The following YLPM1 variants were observed in gnomAD, a reference collection of about 807,000 sequenced individuals.
YLPM1 encodes the protein YLP motif-containing protein 1.
Under a neutral mutation model 230.0 loss-of-function variants are expected in YLPM1, and 99 were observed. The observed-to-expected ratio is 0.43, with a 90% CI of 0.37 to 0.51. YLPM1 has a LOEUF of 0.51. Ranked by LOEUF, YLPM1 falls within the 20% of genes least tolerant of loss-of-function variation. The probability of loss-of-function intolerance (pLI) is 0.00; values close to 1 mark genes in which losing one functional copy is unlikely to be tolerated. For synonymous variants in YLPM1, 984 were observed against 942.5 expected, an observed-to-expected ratio of 1.04 and a Z score of -0.81; for missense variants, 2,592 against 2,707.7, an observed-to-expected ratio of 0.96 and a Z score of 0.95.
At chr14:74,793,149 CTTAT>C (rs2091224094) in intron 4 of YLPM1, among the ~76,000 whole-genome samples, 1 of 152,062 alleles carries the variant, frequency 6.6e-6, no homozygotes, top group African/African-American at 2.4e-5. Flanking sequence ...TTTTTGTTTG[CTTAT>C]TTAGTTTTAT....
At chr14:74,827,363 G>T in intron 18 of YLPM1, 2 of 985,336 alleles carry the variant, frequency 2.0e-6, no homozygotes, top group South Asian at 4.7e-5. Context: ...CTGTGTGTTT[G>T]GTTTCCAGTA....
At chr14:74,832,842 T>G (rs904834639) in intron 19 of YLPM1, among the ~76,000 whole-genome samples, 10 of 152,122 alleles carry the variant, frequency 6.6e-5, no homozygotes, top group African/African-American at 2.4e-4. Flanking sequence ...ACCTACACAT[T>G]TTTTCTTCTA....
At chr14:74,819,096 T>A (rs559283196) in intron 16 of YLPM1, among the ~76,000 whole-genome samples, 9 of 152,326 alleles carry the variant, frequency 5.9e-5, no homozygotes, top group African/African-American at 2.2e-4. Context: ...TTTTTCTCTT[T>A]GTGATAAGTA....
chr14:74,791,792 A>G (rs2091209745), intron 4 of YLPM1, among the ~76,000 whole-genome samples: 1 of 152,228 alleles, frequency 6.6e-6, no homozygotes, highest in African/African-American at 2.4e-5. Context: ...TTACCTGACA[A>G]TCAGTATGTG....
At position 74,799,414 on chromosome 14, in the gene YLPM1, A is replaced by T. The variant is rs1178788772; in HGVS notation, c.4117A>T (p.Ile1373Phe). 1.9e-6 allele frequency: 3 copies of T among 1,613,890 alleles called. No homozygotes were observed. Among genetic ancestry groups the T allele is most frequent in the Non-Finnish European group, 2.5e-6 (3 of 1,179,912 alleles). The part of the protein sequence containing the change: ...RDFRDRGELR[I>F]REYPERGDTW... ...TTTCCGTGATAGGGGTGAGTTGAGG[A>T]TTCGAGAGTATCCAGAAAGAGGAGA... is the stretch of plus-strand genomic sequence containing the variant. Residue 1373 changes from isoleucine (I) to phenylalanine (F), a missense_variant, in exon 5 of 21, where the codon ATT becomes TTT. Physicochemically the swap from Ile to Phe is conservative, Grantham distance 21. This residue lies in a region of YLPM1 where 1,862 missense variants were observed against 1,819.8 expected (regional missense o/e 1.02). Transcript: ENST00000325680.
In YLPM1 at chr14:74,764,344, C is replaced by T. The variant is rs755761859; in HGVS notation, c.855C>T (p.Pro285=). ...AGCAAGCCGCCCCTGAGCCAGATCC[C>T]TCTACGATGACTCCACAGGTAAGAA... ...EQQQAAPEPD[P]STMTPQEQQQ... The change falls in exon 1 of 21, where the codon CCC becomes CCT. Residue 285 remains proline (P), a synonymous_variant. Coordinates refer to ENST00000325680, the MANE Select transcript of YLPM1 (RefSeq NM_019589.3). The T allele has an allele frequency of 2.5e-6, 4 of 1,610,460 alleles. No homozygotes were observed. In the Admixed American group the frequency reaches 6.7e-5, roughly 27 times the overall value.
At position 74,797,316 on chromosome 14, in the gene YLPM1, A is replaced by G. The variant is rs537374498; in HGVS notation, c.2283-264A>G. On this transcript the variant is annotated intron_variant, in intron 4 of 20. Transcript: ENST00000325680. The stretch of plus-strand genomic sequence containing the variant: ...TGTAATTGCTTTTTAACCGTTCAGT[A>G]TATCAGTGACTTGCGGCAGGAGATG... Among the ~76,000 whole-genome samples the G allele has an allele frequency of 1.1e-4, 16 of 151,996 alleles. No individual in the cohort carries two copies. In the South Asian group the frequency reaches 2.7e-3, roughly 26 times the overall value.
chr14:74,802,281 A>G (rs572595989), intron 5 of YLPM1, among the ~76,000 whole-genome samples: 3 of 152,084 alleles, frequency 2.0e-5, no homozygotes, highest in African/African-American at 7.2e-5. Flanking sequence ...CATAACAAGT[A>G]GATGAGATAG....
chr14:74,765,020 T>C (rs116149333), intron 1 of YLPM1, among the ~76,000 whole-genome samples: 1,745 of 152,310 alleles, frequency 0.011, 36 homozygotes, highest in African/African-American at 0.039. Context: ...TTAAAGATTG[T>C]TTTAAGATAA....
chr14:74,808,538 C>T (rs2091400939), intron 6 of YLPM1, among the ~76,000 whole-genome samples: 1 of 152,062 alleles, frequency 6.6e-6, no homozygotes, highest in African/African-American at 2.4e-5. Flanking sequence ...TGCGGTGGCT[C>T]ATGCCTGTAA....
intron 2 of YLPM1, among the ~76,000 whole-genome samples, chr14:74,778,903 C>T (rs773163129): frequency 7.2e-5 from 11 of 151,914 alleles, no homozygotes; most frequent in Non-Finnish European, 1.5e-4. Context: ...TGCAATGGTG[C>T]GATCTTGGCT....
At chr14:74,765,967 C>T (rs1472469000) in intron 1 of YLPM1, among the ~76,000 whole-genome samples, 1 of 152,170 alleles carries the variant, frequency 6.6e-6, no homozygotes, top group Non-Finnish European at 1.5e-5. Flanking sequence ...TTTTAGAATT[C>T]ATCCTAACCT....
At chr14:74,772,217 C>CTTTT (rs543491337) in intron 1 of YLPM1, among the ~76,000 whole-genome samples, 1 of 138,774 alleles carries the variant, frequency 7.2e-6, no homozygotes, top group African/African-American at 2.6e-5. Context: ...CAACATCTTT[C>CTTTT]TTTTTTTTTT....
chr14:74,834,910 G>A (rs2091632726), intron 19 of YLPM1: 1 of 175,640 alleles, frequency 5.7e-6, no homozygotes, highest in African/African-American at 2.4e-5. Context: ...GCATGAATCT[G>A]GAGCGGGTGA....
chr14:74,780,672 A>G, intron 3 of YLPM1, 88 bp downstream of exon 3: 1 of 1,492,616 alleles, frequency 6.7e-7, no homozygotes, highest in Non-Finnish European at 8.9e-7. Context: ...GTAAAAAACA[A>G]AAGATACCAA....
intron 18 of YLPM1, among the ~76,000 whole-genome samples, chr14:74,828,436 C>T (rs183490321): frequency 2.0e-5 from 3 of 152,280 alleles, no homozygotes; most frequent in East Asian, 3.9e-4. Flanking sequence ...ATTTTCATTG[C>T]GTGTTCTTCT....
At chr14:74,767,676 C>G (rs949530302) in intron 1 of YLPM1, among the ~76,000 whole-genome samples, 2 of 152,206 alleles carry the variant, frequency 1.3e-5, no homozygotes, top group African/African-American at 4.8e-5. Context: ...TGACCTAGGT[C>G]AGTCCCTCCT....
chr14:74,780,723 T>G lies in YLPM1; in HGVS notation c.1290+139T>G, dbSNP rs534691335. On this transcript the variant is annotated intron_variant, in intron 3 of 20. Transcript: ENST00000325680. ...TGTTTCCCAAGGGGTGCCCAAGTAG[T>G]TATCTGCCACATTACCTGGGGGACT... 3.5e-6 allele frequency: 5 copies of G among 1,416,042 alleles called. No homozygotes were observed. In the South Asian group the frequency reaches 8.5e-5, roughly 24 times the overall value. The allele number at this position is 1,416,042 out of a possible 1,614,324, so 87.7% of individuals were successfully genotyped here. A position where few individuals can be genotyped will look rare whatever the true frequency, so the allele number is the denominator to read the frequency against.
chr14:74,763,573 T>G lies in YLPM1; in HGVS notation c.84T>G (p.Pro28=), dbSNP rs751913772. 2 of 1,579,872 alleles carry G rather than the reference T, an allele frequency of 1.3e-6. No homozygotes were observed. Among genetic ancestry groups the G allele is most frequent in the Non-Finnish European group, 1.7e-6 (2 of 1,161,876 alleles). Reference sequence around the variant, plus strand: ...CACCGCCGCCGCCAGTGGCGCTTCCTGAGGCCTCGCCGGGGCCCGGGTACT... The same window carrying G: ...CACCGCCGCCGCCAGTGGCGCTTCCGGAGGCCTCGCCGGGGCCCGGGTACT... The part of the protein sequence containing the change: ...PVPPPPPVAL[P]EASPGPGYSS... The change falls in exon 1 of 21, where the codon CCT becomes CCG. Residue 28 remains proline (P), a synonymous_variant. Transcript: ENST00000325680.
Sources: allele counts gnomAD v4.1 joint callset (sites outside exome capture counted in the v4.1 genomes callset), GRCh38; gene constraint gnomAD v4.1.1; regional missense constraint gnomAD v4.1.1; transcripts MANE v1.5; gene names NCBI Gene and HGNC (gene_info 2026-07-23, HGNC 2026-07-21).